KCNJ4: variants seen among roughly 807,000 people sequenced by gnomAD.
KCNJ4 encodes inward rectifier potassium channel 4.
Under a neutral mutation model 25.6 loss-of-function variants are expected in KCNJ4, and 3 were observed. The ratio of observed to expected loss-of-function variants is 0.12; its 90% CI spans 0.05 to 0.30. The LOEUF is 0.30. Among genes scored for constraint, KCNJ4 ranks in the 10% least tolerant of loss-of-function variants. KCNJ4 has a pLI of 1.00. For synonymous variants in KCNJ4, 257 were observed against 283.9 expected, an observed-to-expected ratio of 0.91 and a Z score of 0.95; for missense variants, 286 against 666.8, an observed-to-expected ratio of 0.43 and a Z score of 6.29.
intron 1 of KCNJ4, among the ~76,000 whole-genome samples, chr22:38,437,967 G>C (rs987991163): frequency 2.0e-5 from 3 of 151,928 alleles, no homozygotes; most frequent in Non-Finnish European, 4.4e-5. Flanking sequence ...GGCCAGGCAT[G>C]GTGGCTCACG....
chr22:38,439,550 G>A (rs1469065144), intron 1 of KCNJ4, among the ~76,000 whole-genome samples: 2 of 151,828 alleles, frequency 1.3e-5, no homozygotes, highest in Non-Finnish European at 2.9e-5. Flanking sequence ...GCCAAGGCAG[G>A]CAGATCACGA....
rs561412862 is a variant in KCNJ4, at chr22:38,443,668, T to C, written c.-40+11312A>G. Among the ~76,000 whole-genome samples, 5 of 152,314 alleles carry C rather than the reference T, an allele frequency of 3.3e-5. No individual in the cohort carries two copies. The highest frequency in any genetic ancestry group is 3.3e-4 in the Admixed American group (5 of 15,310). ...AGGTGCTGTCATCATCATCCCACAG[T>C]GGGCTTGGGAGCTTGCCCAAAGCGG... On this transcript the variant is annotated intron_variant, in intron 1 of 1. Transcript: ENST00000303592. This position sits in a 1 kb window ranked among gnomAD's most constrained non-coding sequence, Gnocchi z 4.1.
At chr22:38,434,552 T>G (rs2093059985) in intron 1 of KCNJ4, among the ~76,000 whole-genome samples, 1 of 152,116 alleles carries the variant, frequency 6.6e-6, no homozygotes, top group African/African-American at 2.4e-5. Context: ...AAATCTAACT[T>G]GAGTCTGACT....
Position 38,443,587 on chromosome 22 carries a change from A to T in KCNJ4, c.-40+11393T>A, listed in dbSNP as rs2089352776. Among the ~76,000 whole-genome samples the T allele has an allele frequency of 6.6e-6, 1 of 152,080 alleles. No individual in the cohort carries two copies. The highest frequency in any genetic ancestry group is 1.5e-5 in the Non-Finnish European group (1 of 67,996). ...CGCAATAACAATGGGTTAATAACTA[A>T]CATGCACTTAGTGTTCACTGAGGGC... On this transcript the variant is annotated intron_variant, in intron 1 of 1. Coordinates refer to ENST00000303592, the MANE Select transcript of KCNJ4 (RefSeq NM_152868.3). The surrounding 1 kb of genome is among the most constrained non-coding windows in gnomAD (Gnocchi z 4.1).
At chr22:38,444,742 TG>T (rs908685017) in intron 1 of KCNJ4, among the ~76,000 whole-genome samples, 62 of 151,964 alleles carry the variant, frequency 4.1e-4, no homozygotes, top group Non-Finnish European at 7.4e-4. Flanking sequence ...ACGCCTGCCA[TG>T]GGGGGGGCCA....
chr22:38,447,626 G>A (rs1382811090), intron 1 of KCNJ4, among the ~76,000 whole-genome samples: 5 of 152,082 alleles, frequency 3.3e-5, no homozygotes, highest in Non-Finnish European at 5.9e-5. Context: ...GCAGGGGGTT[G>A]GGGGAAGCTT....
At chr22:38,447,471 C>G (rs2089382848) in intron 1 of KCNJ4, among the ~76,000 whole-genome samples, 1 of 152,158 alleles carries the variant, frequency 6.6e-6, no homozygotes, top group Non-Finnish European at 1.5e-5. Flanking sequence ...CCCCAAGGAG[C>G]CCCTAATTGC....
rs745709036 is a variant in KCNJ4, at chr22:38,427,673, C to T, written c.460G>A (p.Val154Met). Residue 154 changes from valine to methionine, a missense_variant, in exon 2 of 2, where the codon GTG (valine) becomes ATG (methionine). Val to Met is a conservative substitution (Grantham distance 21). Around this residue, in one of 11 missense-constraint regions of KCNJ4, gnomAD observed 29 missense variants for 107.7 expected, o/e 0.27. Transcript: ENST00000303592. ...EECPLAVIAV[V>M]VQSIVGCVID... Reference sequence around the variant, plus strand: ...ACGCAGCCCACGATGGACTGGACCACCACAGCGATGACTGCCAGCGGGCAC... The same window carrying T: ...ACGCAGCCCACGATGGACTGGACCATCACAGCGATGACTGCCAGCGGGCAC... 1 of 1,613,230 alleles carries T rather than the reference C, an allele frequency of 6.2e-7. No individual in the cohort carries two copies. The highest frequency in any genetic ancestry group is 8.5e-7 in the Non-Finnish European group (1 of 1,180,004).
chr22:38,430,027 G>A (rs2145932371), intron 1 of KCNJ4, among the ~76,000 whole-genome samples: 2 of 152,242 alleles, frequency 1.3e-5, no homozygotes, highest in South Asian at 4.2e-4. Flanking sequence ...CCGGGCCCAG[G>A]GAGAGTGAGC....
At chr22:38,430,074 G>C (rs1449241316) in intron 1 of KCNJ4, among the ~76,000 whole-genome samples, 1 of 151,524 alleles carries the variant, frequency 6.6e-6, no homozygotes, top group African/African-American at 2.4e-5. Flanking sequence ...CACCCACCCT[G>C]ACTCCGAGTT....
chr22:38,430,446 T>G (rs889452531), intron 1 of KCNJ4, among the ~76,000 whole-genome samples: 1 of 152,034 alleles, frequency 6.6e-6, no homozygotes, highest in Non-Finnish European at 1.5e-5. Flanking sequence ...GAGGTTGCAG[T>G]GAGCCGAGAT....
chr22:38,431,235 G>A (rs1174441503), intron 1 of KCNJ4, among the ~76,000 whole-genome samples: 1 of 152,202 alleles, frequency 6.6e-6, no homozygotes, highest in Non-Finnish European at 1.5e-5. Flanking sequence ...TGGTGCTGCA[G>A]ACGAGATCTC....
At chr22:38,430,314 C>T (rs999421191) in intron 1 of KCNJ4, among the ~76,000 whole-genome samples, 9 of 152,156 alleles carry the variant, frequency 5.9e-5, no homozygotes, top group Non-Finnish European at 1.2e-4. Flanking sequence ...ACCAGCCTGA[C>T]CAACATGAAG....
chr22:38,446,759 C>T (rs939484932), intron 1 of KCNJ4, among the ~76,000 whole-genome samples: 1 of 152,100 alleles, frequency 6.6e-6, no homozygotes, highest in Non-Finnish European at 1.5e-5. Flanking sequence ...AGTTCGAGAC[C>T]AGCCTGGCCA....
intron 1 of KCNJ4, among the ~76,000 whole-genome samples, chr22:38,440,318 A>T (rs2089323919): frequency 6.6e-6 from 1 of 152,114 alleles, no homozygotes; most frequent in South Asian, 2.1e-4. Flanking sequence ...GACGTGGGCA[A>T]ATCACCTGAG....
In KCNJ4 at chr22:38,428,057, C is replaced by T; in HGVS notation, c.76G>A (p.Gly26Ser). Reference sequence around the variant, plus strand: ...TTGGCGAAGTACACGTTGCATTGGCCGTTCTTCTTGACGAAGCGGTTGCGG... The same window carrying T: ...TTGGCGAAGTACACGTTGCATTGGCTGTTCTTCTTGACGAAGCGGTTGCGG... ...KRRNRFVKKN[G>S]QCNVYFANLS... The change falls in exon 2 of 2, where the codon GGC becomes AGC. Residue 26 changes from glycine to serine, a missense_variant. Gly to Ser is a moderately conservative substitution (Grantham distance 56, BLOSUM62 0). Around this residue, in one of 11 missense-constraint regions of KCNJ4, gnomAD observed 36 missense variants for 103.2 expected, o/e 0.35. Transcript: ENST00000303592. 6.2e-7 allele frequency: 1 copy of T among 1,614,148 alleles called. No individual in the cohort carries two copies. Among genetic ancestry groups the T allele is most frequent in the Non-Finnish European group, 8.5e-7 (1 of 1,179,968 alleles).
chr22:38,442,202 GA>G (rs2089339839), intron 1 of KCNJ4, among the ~76,000 whole-genome samples: 1 of 152,102 alleles, frequency 6.6e-6, no homozygotes, highest in Admixed American at 6.5e-5. Context: ...AAATGCACAT[GA>G]AAAGTTTTAA....
At chr22:38,444,374 A>C (rs2089358705) in intron 1 of KCNJ4, among the ~76,000 whole-genome samples, 1 of 152,280 alleles carries the variant, frequency 6.6e-6, no homozygotes, top group Non-Finnish European at 1.5e-5. Context: ...AGTCAGGGAG[A>C]ACTTCCCAGC....
chr22:38,440,127 T>C (rs2089322769), intron 1 of KCNJ4, among the ~76,000 whole-genome samples: 1 of 151,906 alleles, frequency 6.6e-6, no homozygotes, highest in South Asian at 2.1e-4. Flanking sequence ...ACAACATTCC[T>C]AGCCAGGTGT....
Sources: gnomAD v4.1 joint callset for allele counts (sites outside exome capture counted in the v4.1 genomes callset) on GRCh38, gnomAD v4.1.1 for gene constraint, gnomAD v4.1.1 regional missense constraint, Gnocchi (gnomAD v3.1) non-coding constraint, MANE v1.5 for transcripts, NCBI Gene and HGNC (gene_info 2026-07-23, HGNC 2026-07-21) for gene names.